Variants in KLRF1 observed in about 807,000 individuals in gnomAD.
The protein encoded by KLRF1 is killer cell lectin like receptor F1, also known as killer cell lectin-like receptor subfamily F member 1.
Under a neutral mutation model 30.7 loss-of-function variants are expected in KLRF1, and 27 were observed. That is an observed-to-expected ratio of 0.88 (90% CI 0.65 to 1.21). The LOEUF (loss-of-function observed/expected upper bound fraction) is 1.21, where lower values mean the gene tolerates loss of function less well. Among genes scored for constraint, KLRF1 ranks in the 50% most tolerant of loss-of-function variants. KLRF1 has a pLI of 0.00. For synonymous variants in KLRF1, 92 were observed against 89.3 expected, an observed-to-expected ratio of 1.03 and a Z score of -0.17; for missense variants, 246 against 259.3, an observed-to-expected ratio of 0.95 and a Z score of 0.35.
At chr12:9,813,334 G>T in the KLRF1 span, among the ~76,000 whole-genome samples, 1 of 151,892 alleles carries the variant, frequency 6.6e-6, no homozygotes, top group Non-Finnish European at 1.5e-5. Flanking sequence ...TCGAGACGGG[G>T]ACTCTTTCTG....
At chr12:9,841,519 A>G (rs1259867289) in intron 3 of KLRF1, among the ~76,000 whole-genome samples, 1 of 152,118 alleles carries the variant, frequency 6.6e-6, no homozygotes, top group Non-Finnish European at 1.5e-5. Flanking sequence ...ATTTTATCTA[A>G]TCTCTCAAAT....
intron 5 of KLRF1, among the ~76,000 whole-genome samples, chr12:9,842,764 A>T (rs907593808): frequency 1.1e-4 from 16 of 152,126 alleles, no homozygotes; most frequent in Non-Finnish European, 1.6e-4. Context: ...TTTTTGTGTT[A>T]TGTGATTATC....
Position 9,842,000 on chromosome 12 carries a change from C to T in KLRF1, c.474+49C>T, listed in dbSNP as rs774475621. 164 of 1,533,484 alleles carry T rather than the reference C, an allele frequency of 1.1e-4. 1 individual carries two copies. In the Middle Eastern group the frequency reaches 1.4e-3, roughly 13 times the overall value. 95.0% of individuals were successfully genotyped at this position (1,533,484 alleles called of 1,614,324 possible). A position where few individuals can be genotyped will look rare whatever the true frequency, so the allele number is the denominator to read the frequency against. On this transcript the variant is annotated intron_variant, in intron 4 of 5. Transcript: ENST00000617889. ...ATGGCATCTTTGCAGTAAAAAATGG[C>T]TTTCCTCAAATATCTTTCCATCTTT...
chr12:9,813,954 T>C, the KLRF1 span, among the ~76,000 whole-genome samples: 1 of 152,090 alleles, frequency 6.6e-6, no homozygotes, highest in African/African-American at 2.4e-5. Context: ...GACCAGGCTA[T>C]TTGGAGCCCA....
intron 1 of KLRF1, among the ~76,000 whole-genome samples, chr12:9,831,243 C>T (rs1867419354): frequency 6.6e-6 from 1 of 151,940 alleles, no homozygotes; most frequent in Non-Finnish European, 1.5e-5. Flanking sequence ...CAAAAATAAT[C>T]TCAGAAATGT....
At chr12:9,807,688 CT>C in the KLRF1 span, among the ~76,000 whole-genome samples, 1 of 152,058 alleles carries the variant, frequency 6.6e-6, no homozygotes. Flanking sequence ...TTTGCTTTCA[CT>C]CTTAAGAATA....
the KLRF1 span, among the ~76,000 whole-genome samples, chr12:9,801,521 C>T: frequency 8.9e-4 from 135 of 152,022 alleles, no homozygotes; most frequent in African/African-American, 3.1e-3. Flanking sequence ...AGTTTCTTGA[C>T]TTTTTAATAA....
intron 1 of KLRF1, among the ~76,000 whole-genome samples, chr12:9,830,772 A>C (rs1867402715): frequency 4.6e-5 from 7 of 151,894 alleles, no homozygotes; most frequent in Admixed American, 4.6e-4. Flanking sequence ...TGTATTTACC[A>C]TTTTTGTACA....
At chr12:9,836,123 G>A (rs1472506925) in intron 3 of KLRF1, among the ~76,000 whole-genome samples, 2 of 152,136 alleles carry the variant, frequency 1.3e-5, no homozygotes, top group Non-Finnish European at 1.5e-5. Flanking sequence ...AATAAGTAAC[G>A]TTGGTAGTGT....
the KLRF1 span, among the ~76,000 whole-genome samples, chr12:9,812,702 C>T: frequency 6.6e-6 from 1 of 151,810 alleles, no homozygotes; most frequent in Non-Finnish European, 1.5e-5. Context: ...TTTCATGTTC[C>T]TTGGGGTATA....
chr12:9,827,592 A>G lies in KLRF1; in HGVS notation c.48A>G (p.Lys16=), dbSNP rs1316343193. ...TGACATTGAATGTACAGTCAAAGAAAAGGAGTTCTGCCCAAACATCTCAAC... is the reference window on the plus strand; with the variant it reads ...TGACATTGAATGTACAGTCAAAGAAGAGGAGTTCTGCCCAAACATCTCAAC... ...RYMTLNVQSK[K]RSSAQTSQLT... The change falls in exon 1 of 6, where the codon AAA becomes AAG. Residue 16 remains lysine, a synonymous_variant. Coordinates refer to ENST00000617889, the MANE Select transcript of KLRF1 (RefSeq NM_016523.3). 1.9e-6 allele frequency: 3 copies of G among 1,609,410 alleles called. No homozygotes were observed. The Admixed American group carries it at 5.0e-5, about 27-fold the overall frequency.
chr12:9,805,199 A>G, the KLRF1 span, among the ~76,000 whole-genome samples: 2 of 151,994 alleles, frequency 1.3e-5, no homozygotes, highest in Non-Finnish European at 2.9e-5. Context: ...GGCAATTTAT[A>G]AATAATAGAA....
chr12:9,828,508 A>G (rs60295520), intron 1 of KLRF1, among the ~76,000 whole-genome samples: 3,837 of 152,312 alleles, frequency 0.025, 149 homozygotes, highest in African/African-American at 0.087. Flanking sequence ...TCCATACACA[A>G]TGCAATTCCA....
At chr12:9,823,519 G>C (rs375351728), upstream of KLRF1, among the ~76,000 whole-genome samples, 2 of 151,948 alleles carry the variant, frequency 1.3e-5, no homozygotes, top group Non-Finnish European at 2.9e-5. Context: ...AGCGCTAAAC[G>C]CCTACACAAA....
the KLRF1 span, among the ~76,000 whole-genome samples, chr12:9,810,475 T>C: frequency 3.9e-5 from 6 of 152,214 alleles, no homozygotes; most frequent in Non-Finnish European, 8.8e-5. Context: ...TATAGTTTAA[T>C]GAAATGTTTG....
the KLRF1 span, among the ~76,000 whole-genome samples, chr12:9,815,471 G>A: frequency 6.6e-6 from 1 of 152,224 alleles, no homozygotes; most frequent in Non-Finnish European, 1.5e-5. Context: ...TGGATTTTTT[G>A]TGTGGTTGAG....
chr12:9,813,325 C>G, the KLRF1 span, among the ~76,000 whole-genome samples: 10 of 151,906 alleles, frequency 6.6e-5, no homozygotes, highest in Non-Finnish European at 1.3e-4. Context: ...TAATTATTTT[C>G]GAGACGGGGA....
upstream of KLRF1, among the ~76,000 whole-genome samples, chr12:9,823,714 A>G (rs1046249763): frequency 1.7e-5 from 2 of 120,666 alleles, no homozygotes; most frequent in East Asian, 2.2e-4. Context: ...GGTTTTTTGG[A>G]AAAAAAAAAA....
the KLRF1 span, among the ~76,000 whole-genome samples, chr12:9,820,354 G>C: frequency 6.6e-6 from 1 of 152,220 alleles, no homozygotes; most frequent in Non-Finnish European, 1.5e-5. Flanking sequence ...TGACCAGACT[G>C]TTACCTTGAT....
Sources: allele counts gnomAD v4.1 joint callset (sites outside exome capture counted in the v4.1 genomes callset), GRCh38; gene constraint gnomAD v4.1.1; transcripts MANE v1.5; gene names NCBI Gene and HGNC (gene_info 2026-07-23, HGNC 2026-07-21).